Variants in HECW1 observed in about 807,000 individuals in gnomAD.
HECW1 encodes HECT, C2 and WW domain containing E3 ubiquitin protein ligase 1.
A neutral mutation model predicts 182.3 loss-of-function variants in HECW1; 61 were observed. The observed-to-expected ratio is 0.33, with a 90% CI of 0.27 to 0.41. HECW1 has a LOEUF of 0.41. HECW1 is among the 10% of genes least tolerant of loss of function. HECW1 has a pLI of 1.00. For synonymous variants in HECW1, 859 were observed against 832.6 expected, an observed-to-expected ratio of 1.03 and a Z score of -0.55; for missense variants, 1,739 against 2,108.9, an observed-to-expected ratio of 0.82 and a Z score of 3.44.
chr7:43,230,547 T>A (rs1221630529), intron 2 of HECW1, among the ~76,000 whole-genome samples: 3 of 152,220 alleles, frequency 2.0e-5, no homozygotes, highest in Non-Finnish European at 4.4e-5. Context: ...GTAGATTAGA[T>A]AATAGGACCA....
chr7:43,283,250 A>G (rs887847288), intron 3 of HECW1, among the ~76,000 whole-genome samples: 10 of 141,648 alleles, frequency 7.1e-5, no homozygotes, highest in African/African-American at 1.2e-4. Context: ...TGCAATATTA[A>G]GATTTTATTT....
At chr7:43,311,501 C>T (rs2152772288) in intron 3 of HECW1, 1 of 668,542 alleles carries the variant, frequency 1.5e-6, no homozygotes, top group South Asian at 1.4e-5. Context: ...GGGTTAGAGC[C>T]GGGAGAGGCA....
At chr7:43,323,510 G>A (rs1469227615) in intron 5 of HECW1, among the ~76,000 whole-genome samples, 3 of 152,064 alleles carry the variant, frequency 2.0e-5, no homozygotes, top group South Asian at 2.1e-4. Flanking sequence ...CACCTGTACC[G>A]TGGAAGTTGA....
intron 5 of HECW1, among the ~76,000 whole-genome samples, chr7:43,358,725 T>C (rs1285153188): frequency 6.6e-6 from 1 of 152,088 alleles, no homozygotes; most frequent in East Asian, 1.9e-4. Context: ...AAGCGTTCTA[T>C]GAGATGGTCA....
intron 7 of HECW1, among the ~76,000 whole-genome samples, chr7:43,402,443 A>G (rs967638047): frequency 1.7e-4 from 26 of 152,128 alleles, no homozygotes; most frequent in African/African-American, 6.0e-4. Flanking sequence ...GGGTCAGGGA[A>G]CTCTCCTATT....
chr7:43,252,876 T>G (rs1172708813), intron 3 of HECW1, among the ~76,000 whole-genome samples: 1 of 152,242 alleles, frequency 6.6e-6, no homozygotes, highest in Non-Finnish European at 1.5e-5. Context: ...TAAAAGACAG[T>G]TGTTGTTAAA....
chr7:43,536,018 T>C (rs2081167233), intron 24 of HECW1, among the ~76,000 whole-genome samples: 1 of 151,788 alleles, frequency 6.6e-6, no homozygotes, highest in South Asian at 2.1e-4. Context: ...AACCACAGAG[T>C]TGTGGTTTGG....
At chr7:43,495,019 T>C (rs976698755) in intron 19 of HECW1, among the ~76,000 whole-genome samples, 4 of 152,178 alleles carry the variant, frequency 2.6e-5, no homozygotes, top group Non-Finnish European at 5.9e-5. Flanking sequence ...AAGCAAAACT[T>C]CAGTGATCTA....
chr7:43,311,610 G>A (rs374106821), intron 3 of HECW1, 153 bp from the exon 4 acceptor site: 14 of 797,050 alleles, frequency 1.8e-5, no homozygotes, highest in South Asian at 1.1e-4. Context: ...CCTTTGTCAC[G>A]AGGAAGATGC....
rs143395420 is a variant in HECW1, at chr7:43,512,473, T to C, written c.4019+3352T>C. Among the ~76,000 whole-genome samples, 8 of 152,354 alleles carry C rather than the reference T, an allele frequency of 5.3e-5. 1 individual carries two copies. Among genetic ancestry groups the C allele is most frequent in the African/African-American group, 1.7e-4 (7 of 41,586 alleles). On this transcript the variant is annotated intron_variant, in intron 24 of 29. Coordinates refer to ENST00000395891, the MANE Select transcript of HECW1 (RefSeq NM_015052.5). The stretch of plus-strand genomic sequence containing the variant: ...GCATTATCAGAAAATGCTGTGAAAT[T>C]GGTATTCATATTTTATAAAATTTAT...
intron 8 of HECW1, among the ~76,000 whole-genome samples, chr7:43,427,755 G>A (rs116965220): frequency 0.05 from 7,683 of 152,208 alleles, 263 homozygotes; most frequent in Non-Finnish European, 0.078. Flanking sequence ...GATCATTCAG[G>A]TTGTTGGCAG....
At chr7:43,224,009 A>C (rs754050123) in intron 2 of HECW1, among the ~76,000 whole-genome samples, 9 of 152,042 alleles carry the variant, frequency 5.9e-5, no homozygotes, top group Non-Finnish European at 1.3e-4. Context: ...TTCATGTATC[A>C]TTGTCCCCAG....
At chr7:43,114,509 T>C in intron 2 of HECW1, 118 bp downstream of exon 2, 3 of 909,076 alleles carry the variant, frequency 3.3e-6, no homozygotes, top group Non-Finnish European at 4.5e-6. Flanking sequence ...GAGAGATAGA[T>C]TGTGGTAGAA....
intron 24 of HECW1, among the ~76,000 whole-genome samples, chr7:43,528,279 A>T (rs1284196651): frequency 6.6e-6 from 1 of 152,194 alleles, no homozygotes; most frequent in African/African-American, 2.4e-5. Flanking sequence ...AGCATCTTTG[A>T]GGGCCAGAGT....
intron 24 of HECW1, among the ~76,000 whole-genome samples, chr7:43,530,147 G>A (rs1194978945): frequency 2.9e-5 from 4 of 139,524 alleles, no homozygotes; most frequent in African/African-American, 8.1e-5. Context: ...TAGTAGAGAT[G>A]GGGTTTCACC....
chr7:43,264,590 A>G (rs1439536426), intron 3 of HECW1, among the ~76,000 whole-genome samples: 1 of 152,146 alleles, frequency 6.6e-6, no homozygotes, highest in East Asian at 1.9e-4. Context: ...TCACGCCTGT[A>G]ATCTCAGCAC....
At chr7:43,318,834 G>C (rs1033794599) in intron 4 of HECW1, among the ~76,000 whole-genome samples, 1 of 152,234 alleles carries the variant, frequency 6.6e-6, no homozygotes, top group East Asian at 1.9e-4. Context: ...CCCTTGCCCA[G>C]GTTGTCCCTC....
At position 43,480,670 on chromosome 7, in the gene HECW1, C is replaced by T. The variant is rs117244982; in HGVS notation, c.3234+926C>T. On this transcript the variant is annotated intron_variant, in intron 17 of 29. Transcript: ENST00000395891. ...GTGTGTGTGTGTGTATATATATACA[C>T]ACACATATATACGCATATATATATA... Among the ~76,000 whole-genome samples the T allele has an allele frequency of 4.4e-3, 641 of 146,980 alleles. 8 individuals are homozygous for T. The highest frequency in any genetic ancestry group is 0.025 in the East Asian group (124 of 5,056).
At chr7:43,479,566 A>G in intron 16 of HECW1, 44 bp from the exon 17 acceptor site, 3 of 1,612,500 alleles carry the variant, frequency 1.9e-6, no homozygotes, top group Non-Finnish European at 2.5e-6. Context: ...ATTTTGGCCT[A>G]TTCTCACACC....
Sources: gnomAD v4.1 joint callset for allele counts (sites outside exome capture counted in the v4.1 genomes callset) on GRCh38, gnomAD v4.1.1 for gene constraint, MANE v1.5 for transcripts, NCBI Gene and HGNC (gene_info 2026-07-23, HGNC 2026-07-21) for gene names.